THG1L: variants seen among roughly 807,000 people sequenced by gnomAD.
THG1L encodes the protein tRNA-histidine guanylyltransferase 1 like, also known as probable tRNA(His) guanylyltransferase.
THG1L carries 27 observed loss-of-function variants against 35.2 expected under a neutral mutation model. That is an observed-to-expected ratio of 0.77 (90% confidence interval 0.57 to 1.06). THG1L has a LOEUF of 1.06. THG1L is among the 50% of genes least tolerant of loss of function. The pLI is 0.00. For synonymous variants in THG1L, 135 were observed against 132.4 expected (o/e 1.02, Z -0.14); for missense variants, 377 against 371.8 (o/e 1.01, Z -0.12).
In THG1L at chr5:157,734,572, C is replaced by T. The variant is rs1358610215; in HGVS notation, c.369-4C>T. On this transcript the variant is annotated splice_polypyrimidine_tract_variant and splice_region_variant and intron_variant, in intron 2 of 5. Coordinates refer to ENST00000231198, the MANE Select transcript of THG1L (RefSeq NM_017872.5). ...CTCCACCCAATGTGCGTTACATTTT[C>T]AAGTAAGTTCATGACTCACGTGGCC... 6.2e-7 allele frequency: 1 copy of T among 1,613,678 alleles called. No individual in the cohort carries two copies. Among genetic ancestry groups the T allele is most frequent in the Non-Finnish European group, 8.5e-7 (1 of 1,179,810 alleles).
intron 1 of THG1L, 82 bp downstream of exon 1, chr5:157,731,713 C>G (rs1161998487): frequency 6.0e-6 from 9 of 1,496,006 alleles, no homozygotes; most frequent in African/African-American, 4.2e-5. Flanking sequence ...TCCTCCCGCC[C>G]GCTCCAGTCA....
In THG1L at chr5:157,740,607, T is replaced by A. The variant is rs1019898877; in HGVS notation, c.*1125T>A. On this transcript the variant is annotated 3_prime_UTR_variant, in exon 6 of 6. Transcript: ENST00000231198. ...GGAGGGAAAGGATTATTTGGCCCCA[T>A]TAAGAATTAAGAGGCTGGGTGCGGT... 2.6e-5 allele frequency: 4 copies of A among 152,282 alleles called. No individual in the cohort carries two copies. Among genetic ancestry groups the A allele is most frequent in the Middle Eastern group, 3.4e-3 (1 of 294 alleles). 9.4% of individuals were successfully genotyped at this position (152,282 alleles called of 1,614,324 possible).
intron 1 of THG1L, 52 bp downstream of exon 1, chr5:157,731,683 C>G: frequency 1.3e-6 from 2 of 1,546,372 alleles, no homozygotes; most frequent in Non-Finnish European, 1.7e-6. Flanking sequence ...TCCGGGGAAT[C>G]CAGCTTCTTC....
chr5:157,735,766 G>C, intron 3 of THG1L, 80 bp from the exon 4 acceptor site: 1 of 966,040 alleles, frequency 1.0e-6, no homozygotes, highest in Non-Finnish European at 1.6e-6. Flanking sequence ...GAGAGGGTCA[G>C]GGCTCTAGTA....
In THG1L at chr5:157,739,467, A is replaced by C. The variant is rs775344139; in HGVS notation, c.882A>C (p.Leu294=). The change falls in exon 6 of 6, where the codon CTA becomes CTC. Residue 294 remains leucine (L), a synonymous_variant. Transcript: ENST00000231198. The part of the protein sequence containing the change: ...DAFWKEHPEI[L]DEDS Reference sequence around the variant, plus strand: ...TCTGGAAGGAACATCCAGAGATTCTAGATGAAGACAGCTGACCCTTTTGCG... The same window carrying C: ...TCTGGAAGGAACATCCAGAGATTCTCGATGAAGACAGCTGACCCTTTTGCG... 5 of 1,612,822 alleles carry C rather than the reference A, an allele frequency of 3.1e-6. No individual in the cohort carries two copies. Among genetic ancestry groups the C allele is most frequent in the Non-Finnish European group, 4.2e-6 (5 of 1,179,454 alleles).
chr5:157,738,230 T>C (rs889412374), intron 5 of THG1L, among the ~76,000 whole-genome samples: 2 of 152,194 alleles, frequency 1.3e-5, no homozygotes, highest in African/African-American at 4.8e-5. Context: ...GCCTTTATTT[T>C]TCTGTGTTGT....
rs1335911619 is a variant in THG1L, at chr5:157,740,240, A to C, written c.*758A>C. 3 of 152,252 alleles carry C rather than the reference A, an allele frequency of 2.0e-5. No individual in the cohort carries two copies. Among genetic ancestry groups the C allele is most frequent in the African/African-American group, 7.2e-5 (3 of 41,446 alleles). 9.4% of individuals were successfully genotyped at this position (152,252 alleles called of 1,614,324 possible). Reference sequence around the variant, plus strand: ...AAGAATGCGTGAATGAGGATGAAGAAACATTTACCCCATGTACTCAAGACA... The same window carrying C: ...AAGAATGCGTGAATGAGGATGAAGACACATTTACCCCATGTACTCAAGACA... On this transcript the variant is annotated 3_prime_UTR_variant, in exon 6 of 6. Coordinates refer to ENST00000231198, the MANE Select transcript of THG1L (RefSeq NM_017872.5).
chr5:157,732,995 TA>T lies in THG1L; in HGVS notation c.320del (p.Tyr107SerfsTer20). ...GATCGCGTATGGACAGAGTGATGAGTACAGCTTTGTGTTCAAGCGGAAAACC... is the reference window on the plus strand; with the variant it reads ...GATCGCGTATGGACAGAGTGATGAGTCAGCTTTGTGTTCAAGCGGAAAACC... ...IVIAYGQSDE[Y>X]SFVFKRKTNW... is the part of the protein sequence containing the mutation. On this transcript the variant is annotated frameshift_variant, in exon 2 of 6. Transcript: ENST00000231198. LOFTEE classifies it high-confidence loss of function. 1 of 1,614,202 alleles carries T rather than the reference TA, an allele frequency of 6.2e-7. No individual in the cohort carries two copies. The highest frequency in any genetic ancestry group is 2.2e-5 in the East Asian group (1 of 44,890).
chr5:157,734,748 G>A lies in THG1L; in HGVS notation c.538+3G>A. 6.2e-7 allele frequency: 1 copy of A among 1,614,092 alleles called. No homozygotes were observed. The highest frequency in any genetic ancestry group is 1.6e-4 in the Middle Eastern group (1 of 6,062). On this transcript the variant is annotated splice_donor_region_variant and intron_variant, in intron 3 of 5. Coordinates refer to ENST00000231198, the MANE Select transcript of THG1L (RefSeq NM_017872.5). ...CCTCAGCTGGCGACAAGCAGATTGT[G>A]AGTGGCACCAAATAAACACATGTAG... is the stretch of plus-strand genomic sequence containing the variant.
chr5:157,732,303 G>T (rs1191453805), intron 1 of THG1L, among the ~76,000 whole-genome samples: 5 of 147,546 alleles, frequency 3.4e-5, no homozygotes, highest in African/African-American at 5.0e-5. Context: ...AATTTAATTT[G>T]CCCGGCGCAG....
chr5:157,732,244 AGAGAG>A (rs1158261419), intron 1 of THG1L, among the ~76,000 whole-genome samples: 2 of 70,774 alleles, frequency 2.8e-5, no homozygotes, highest in African/African-American at 6.0e-5. Context: ...AAAAAAAAAA[AGAGAG>A]AGAGAGAGAG....
intron 2 of THG1L, 74 bp from the exon 3 acceptor site, chr5:157,734,502 C>T: frequency 6.4e-7 from 1 of 1,563,640 alleles, no homozygotes; most frequent in Non-Finnish European, 8.7e-7. Flanking sequence ...ACCCACAGGT[C>T]TTATCATGGT....
Position 157,735,908 on chromosome 5 carries a change from C to G in THG1L, c.601C>G (p.Pro201Ala). The part of the protein sequence containing the change: ...WALIQQSGLT[P>A]VQAQGRLQGT... ...ACTTATACAACAATCTGGACTAACA[C>G]CAGTACAAGCCCAAGGGAGATTACA... Residue 201 changes from proline to alanine, a missense_variant, in exon 4 of 6, where the codon CCA becomes GCA. Transcript: ENST00000231198. 1.2e-6 allele frequency: 2 copies of G among 1,605,508 alleles called. No individual in the cohort carries two copies. The highest frequency in any genetic ancestry group is 2.2e-5 in the South Asian group (2 of 89,230).
intron 1 of THG1L, 110 bp from the exon 2 acceptor site, chr5:157,732,758 A>G: frequency 7.7e-7 from 1 of 1,293,632 alleles, no homozygotes; most frequent in African/African-American, 1.5e-5. Flanking sequence ...ATTTGAGTTC[A>G]CAGTGCTATT....
chr5:157,736,011 AATTTAC>A, intron 4 of THG1L, 77 bp downstream of exon 4: 1 of 957,192 alleles, frequency 1.0e-6, no homozygotes, highest in Non-Finnish European at 1.6e-6. Context: ...TTTTTTGTTA[AATTTAC>A]ATTTCTTTCT....
In THG1L at chr5:157,731,567, G is replaced by C; in HGVS notation, c.127G>C (p.Ala43Pro). The C allele has an allele frequency of 6.2e-7, 1 of 1,611,942 alleles. No homozygotes were observed. Among genetic ancestry groups the C allele is most frequent in the Non-Finnish European group, 8.5e-7 (1 of 1,178,978 alleles). ...SKFEYVRDFE[A>P]DDTCLAHCWV... Reference sequence around the variant, plus strand: ...GTTCGAGTACGTGAGGGACTTCGAGGCTGACGACACCTGCCTGGCACACTG... The same window carrying C: ...GTTCGAGTACGTGAGGGACTTCGAGCCTGACGACACCTGCCTGGCACACTG... The change falls in exon 1 of 6, where the codon GCT (alanine) becomes CCT (proline). Residue 43 changes from alanine (A) to proline (P), a missense_variant. Coordinates refer to ENST00000231198, the MANE Select transcript of THG1L (RefSeq NM_017872.5).
intron 4 of THG1L, among the ~76,000 whole-genome samples, chr5:157,736,431 G>T (rs1760890941): frequency 6.6e-6 from 1 of 151,990 alleles, no homozygotes. Context: ...TGTATTTTTA[G>T]TAGAGACAGG....
rs757657214 is a variant in THG1L, at chr5:157,737,922, T to C, written c.663T>C (p.Phe221=). 7 of 1,613,280 alleles carry C rather than the reference T, an allele frequency of 4.3e-6. No homozygotes were observed. The highest frequency in any genetic ancestry group is 1.1e-5 in the South Asian group (1 of 90,850). ...TLAADKNEIL[F]SEFNINYNNE... is the part of the protein sequence containing the mutation. ...CAGCAGACAAGAATGAGATTTTGTT[T>C]TCTGAATTCAACATCAACTATAATA... The change falls in exon 5 of 6, where the codon TTT becomes TTC. Residue 221 remains phenylalanine, a synonymous_variant. Coordinates refer to ENST00000231198, the MANE Select transcript of THG1L (RefSeq NM_017872.5).
At chr5:157,732,335 G>C (rs775845549) in intron 1 of THG1L, among the ~76,000 whole-genome samples, 1 of 151,556 alleles carries the variant, frequency 6.6e-6, no homozygotes, top group African/African-American at 2.4e-5. Context: ...TGTAGTTCCA[G>C]CTACTGGGAA....
Sources: gnomAD v4.1 joint callset for allele counts (sites outside exome capture counted in the v4.1 genomes callset) on GRCh38, gnomAD v4.1.1 for gene constraint, MANE v1.5 for transcripts, NCBI Gene and HGNC (gene_info 2026-07-23, HGNC 2026-07-21) for gene names.